Variants in PTDSS1 observed in about 807,000 individuals in gnomAD.
The protein encoded by PTDSS1 is PSS-1.
PTDSS1 carries 45 observed loss-of-function variants against 70.5 expected under a neutral mutation model. The observed-to-expected ratio is 0.64, with a 90% CI of 0.50 to 0.82. The LOEUF (loss-of-function observed/expected upper bound fraction) is 0.82. Ranked by LOEUF, PTDSS1 falls within the 40% of genes least tolerant of loss-of-function variation. PTDSS1 has a pLI of 0.00. For synonymous variants in PTDSS1, 188 were observed against 203.8 expected, an observed-to-expected ratio of 0.92 and a Z score of 0.66; for missense variants, 417 against 586.1, an observed-to-expected ratio of 0.71 and a Z score of 2.98.
chr8:96,272,529 G>C (rs918784321), intron 1 of PTDSS1, among the ~76,000 whole-genome samples: 3 of 152,084 alleles, frequency 2.0e-5, no homozygotes, highest in African/African-American at 4.8e-5. Context: ...TTTTTCATGA[G>C]ATAGCTTGGC....
chr8:96,270,151 C>A (rs1216216082), intron 1 of PTDSS1, among the ~76,000 whole-genome samples: 2 of 152,106 alleles, frequency 1.3e-5, no homozygotes, highest in Non-Finnish European at 2.9e-5. Flanking sequence ...GGGGAAATAG[C>A]TTGTACTTTG....
At chr8:96,283,142 C>G (rs920656529) in intron 2 of PTDSS1, among the ~76,000 whole-genome samples, 1 of 152,200 alleles carries the variant, frequency 6.6e-6, no homozygotes, top group African/African-American at 2.4e-5. Flanking sequence ...TACCTACTCC[C>G]TTTACTGTCA....
intron 12 of PTDSS1, among the ~76,000 whole-genome samples, chr8:96,332,572 C>T (rs1003754163): frequency 1.3e-5 from 2 of 152,222 alleles, no homozygotes; most frequent in Non-Finnish European, 2.9e-5. Context: ...GACAGAGGGG[C>T]TCCCCAGCTA....
chr8:96,288,595 G>A (rs1159170922), intron 4 of PTDSS1, among the ~76,000 whole-genome samples: 1 of 149,266 alleles, frequency 6.7e-6, no homozygotes, highest in Non-Finnish European at 1.5e-5. Flanking sequence ...TAGAGTGCTG[G>A]GATTACAGGC....
chr8:96,283,991 ACT>A, intron 2 of PTDSS1, 116 bp from the exon 3 acceptor site: 2 of 777,620 alleles, frequency 2.6e-6, no homozygotes, highest in Non-Finnish European at 4.1e-6. Flanking sequence ...AAAAAAAAAA[ACT>A]TTTAACAGTA....
At chr8:96,333,357 G>A in intron 12 of PTDSS1, 100 bp from the exon 13 acceptor site, 1 of 1,009,786 alleles carries the variant, frequency 9.9e-7, no homozygotes, top group South Asian at 1.3e-5. Context: ...CACGTATCAG[G>A]GAAGAACCTG....
At chr8:96,285,768 C>T (rs1810814122) in intron 3 of PTDSS1, among the ~76,000 whole-genome samples, 1 of 152,110 alleles carries the variant, frequency 6.6e-6, no homozygotes, top group Admixed American at 6.5e-5. Flanking sequence ...TCACAGACCT[C>T]GAAGCCCAAC....
intron 6 of PTDSS1, among the ~76,000 whole-genome samples, chr8:96,303,770 T>C (rs574255785): frequency 6.6e-6 from 1 of 152,058 alleles, no homozygotes; most frequent in East Asian, 1.9e-4. Flanking sequence ...GAATATGGAG[T>C]GTGTGCAGTT....
At chr8:96,330,122 A>G (rs1197802952) in intron 10 of PTDSS1, 91 bp from the exon 11 acceptor site, 3 of 1,258,476 alleles carry the variant, frequency 2.4e-6, no homozygotes, top group Non-Finnish European at 3.5e-6. Flanking sequence ...GCAGAAATGC[A>G]TTGAACGGTC....
chr8:96,286,324 T>C (rs1387737278), intron 3 of PTDSS1, among the ~76,000 whole-genome samples: 1 of 152,248 alleles, frequency 6.6e-6, no homozygotes, highest in Non-Finnish European at 1.5e-5. Context: ...TAAAAGTGCA[T>C]TGTTAACATT....
At chr8:96,310,241 T>G (rs1392717073) in intron 9 of PTDSS1, among the ~76,000 whole-genome samples, 1 of 149,780 alleles carries the variant, frequency 6.7e-6, no homozygotes, top group Non-Finnish European at 1.5e-5. Context: ...CTCGGCTCAC[T>G]GCAACCTCTG....
chr8:96,286,962 A>G, intron 3 of PTDSS1, 60 bp from the exon 4 acceptor site: 1 of 1,597,620 alleles, frequency 6.3e-7, no homozygotes, highest in Non-Finnish European at 8.6e-7. Flanking sequence ...TCTAATGTGT[A>G]TTGTGTGTGT....
chr8:96,274,871 C>A (rs1409647334), intron 2 of PTDSS1, among the ~76,000 whole-genome samples: 1 of 152,144 alleles, frequency 6.6e-6, no homozygotes, highest in Non-Finnish European at 1.5e-5. Context: ...CTGATAAAAC[C>A]ATGACTCTGA....
chr8:96,310,822 G>T (rs1191620926), intron 9 of PTDSS1, among the ~76,000 whole-genome samples: 2 of 151,758 alleles, frequency 1.3e-5, no homozygotes, highest in South Asian at 4.2e-4. Context: ...CTGGAGTACA[G>T]TGGCGTGATC....
chr8:96,328,079 C>T (rs1811463577), intron 10 of PTDSS1, among the ~76,000 whole-genome samples: 1 of 152,184 alleles, frequency 6.6e-6, no homozygotes, highest in African/African-American at 2.4e-5. Flanking sequence ...CTCCACTTGC[C>T]TGCTGTTTGC....
chr8:96,276,276 G>A (rs1271504914), intron 2 of PTDSS1, among the ~76,000 whole-genome samples: 1 of 152,224 alleles, frequency 6.6e-6, no homozygotes, highest in Admixed American at 6.5e-5. Context: ...AGGTACCAAA[G>A]GCACTGAAGG....
At chr8:96,310,129 A>G (rs958738593) in intron 9 of PTDSS1, among the ~76,000 whole-genome samples, 10 of 151,426 alleles carry the variant, frequency 6.6e-5, no homozygotes, top group Admixed American at 2.0e-4. Context: ...GTGAGACTCC[A>G]TGTTAAAAAA....
rs774615242 is a variant in PTDSS1, at chr8:96,333,763, G to A, written c.*197G>A. The stretch of plus-strand genomic sequence containing the variant: ...GCGTCAGGCAGATCATCGCCTGGGG[G>A]GCCTTTGCCAACGTGGGGTCTCTTC... On this transcript the variant is annotated 3_prime_UTR_variant, in exon 13 of 13. Coordinates refer to ENST00000517309, the MANE Select transcript of PTDSS1 (RefSeq NM_014754.3). The A allele has an allele frequency of 1.3e-5, 9 of 710,394 alleles. No individual in the cohort carries two copies. The highest frequency in any genetic ancestry group is 1.2e-4 in the South Asian group (8 of 67,490). 44.0% of individuals were successfully genotyped at this position (710,394 alleles called of 1,614,324 possible).
At chr8:96,280,497 A>G (rs1467622160) in intron 2 of PTDSS1, among the ~76,000 whole-genome samples, 1 of 152,088 alleles carries the variant, frequency 6.6e-6, no homozygotes, top group East Asian at 1.9e-4. Context: ...GTGAGCTGAG[A>G]TTGAAGCCTG....
Sources: allele counts gnomAD v4.1 joint callset (sites outside exome capture counted in the v4.1 genomes callset), GRCh38; gene constraint gnomAD v4.1.1; transcripts MANE v1.5; gene names NCBI Gene and HGNC (gene_info 2026-07-23, HGNC 2026-07-21).